Variants in MYH6 observed in about 807,000 individuals in gnomAD.
The protein encoded by MYH6 is myosin heavy chain 6.
MYH6 carries 126 observed loss-of-function variants against 223.2 expected under a neutral mutation model. The ratio of observed to expected loss-of-function variants is 0.56; its 90% CI spans 0.49 to 0.65. The LOEUF (loss-of-function observed/expected upper bound fraction) is 0.65, where lower values mean the gene tolerates loss of function less well. Among genes scored for constraint, MYH6 ranks in the 30% least tolerant of loss-of-function variants. The pLI is 0.00. For missense variants in MYH6, 2,040 were observed against 2,536.4 expected (o/e 0.80, Z 4.20); for synonymous variants, 978 against 1,010.2 (o/e 0.97, Z 0.61).
chr14:23,393,603 A>G (rs1803894916), intron 22 of MYH6, 63 bp downstream of exon 22: 3 of 1,614,120 alleles, frequency 1.9e-6, no homozygotes, highest in African/African-American at 1.3e-5. Context: ...AAGGACCAGG[A>G]CAACACTCTA....
chr14:23,408,070 T>G (rs1378203656), intron 1 of MYH6, among the ~76,000 whole-genome samples, 183 bp downstream of exon 1: 2 of 151,614 alleles, frequency 1.3e-5, no homozygotes, highest in Admixed American at 1.3e-4. Flanking sequence ...GAAAAGAGGT[T>G]TCTGGGTTTC....
rs397516769 is a variant in MYH6 at position 23,388,214 on chromosome 14, C to T, written c.4300G>A (p.Val1434Ile). Residue 1434 changes from valine (V) to isoleucine (I), a missense_variant, in exon 30 of 39, where the codon GTA (valine) becomes ATA (isoleucine). Around this residue, in one of 4 missense-constraint regions of MYH6, gnomAD observed 1,203 missense variants for 1,400.2 expected, o/e 0.86. Coordinates refer to ENST00000405093, the MANE Select transcript of MYH6 (RefSeq NM_002471.4). ...GCAGCAGCAGCATTGGAGCGCTCTA[C>T]GTCCACCATCAAGTCCTCTATCTCA... is the stretch of plus-strand genomic sequence containing the variant. ...QNEIEDLMVD[V>I]ERSNAAAAAL... 19 of 1,612,350 alleles carry T rather than the reference C, an allele frequency of 1.2e-5. 1 individual carries two copies. Among genetic ancestry groups the T allele is most frequent in the East Asian group, 8.9e-5 (4 of 44,886 alleles).
At position 23,407,120 on chromosome 14, in the gene MYH6, G is replaced by A; in HGVS notation, c.104C>T (p.Thr35Ile). 2 of 1,614,252 alleles carry A rather than the reference G, an allele frequency of 1.2e-6. No individual in the cohort carries two copies. The highest frequency in any genetic ancestry group is 1.7e-6 in the Non-Finnish European group (2 of 1,180,054). ...EAQTRPFDIRTECFVPDDKEE... is the reference protein window; with the variant it reads ...EAQTRPFDIRIECFVPDDKEE... ...CTTGTCATCGGGCACGAAGCACTCA[G>A]TGCGAATGTCAAAGGGCCGGGTCTG... Residue 35 changes from threonine (T) to isoleucine (I), a missense_variant, in exon 3 of 39, where the codon ACT becomes ATT. Physicochemically the swap from Thr to Ile is moderately conservative, Grantham distance 89 (BLOSUM62 -1). Coordinates refer to ENST00000405093, the MANE Select transcript of MYH6 (RefSeq NM_002471.4). The surrounding 1 kb of genome is among the most constrained non-coding windows in gnomAD (Gnocchi z 5.6).
intron 15 of MYH6, among the ~76,000 whole-genome samples, chr14:23,398,137 C>T (rs1891486040): frequency 6.6e-6 from 1 of 152,014 alleles, no homozygotes; most frequent in African/African-American, 2.4e-5. Context: ...CCTGCCTCAG[C>T]CTCCCAAGTG....
rs140660481 is a variant in MYH6 at position 23,403,415 on chromosome 14, C to A, written c.831G>T (p.Gln277His). The change falls in exon 10 of 39, where the codon CAG (glutamine) becomes CAT (histidine). Residue 277 changes from glutamine (Q) to histidine (H), a missense_variant. Gln to His is a conservative substitution (Grantham distance 24, BLOSUM62 0). Transcript: ENST00000405093. ...YLLEKSRVIF[Q>H]LKAERNYHIF... The stretch of plus-strand genomic sequence containing the variant: ...TGTGGTAGTTTCTCTCAGCTTTCAG[C>A]TGGAAGATCACCCGGGACTTCTCCA... 418 of 1,613,992 alleles carry A rather than the reference C, an allele frequency of 2.6e-4. No homozygotes were observed. The Middle Eastern group carries it at 4.3e-3, about 17-fold the overall frequency.
intron 15 of MYH6, among the ~76,000 whole-genome samples, chr14:23,397,968 TTCTTCTTCTTCTTC>T (rs1891473753): frequency 1.5e-5 from 2 of 130,654 alleles, no homozygotes; most frequent in African/African-American, 6.0e-5. Context: ...CTTCTTCTTC[TTCTTCTTCTTCTTC>T]TTCTTCTTCT....
At chr14:23,383,124 T>G (rs758084023) in intron 37 of MYH6, 101 bp downstream of exon 37, 2 of 1,085,032 alleles carry the variant, frequency 1.8e-6, no homozygotes, top group Non-Finnish European at 2.8e-6. Context: ...AGTTAAAGTT[T>G]ATAGCAAACT....
chr14:23,390,194 C>T lies in MYH6; in HGVS notation c.3595G>A (p.Ala1199Thr), dbSNP rs369942086. ...ATAAALRKKHADSVAELGEQI... is the reference protein window; with the variant it reads ...ATAAALRKKHTDSVAELGEQI... ...TCGCCCAGCTCGGCCACGCTGTCGG[C>T]GTGCTTCTTGCGCAGGGCCGCGGCA... Residue 1199 changes from alanine to threonine, a missense_variant, in exon 26 of 39, where the codon GCC (alanine) becomes ACC (threonine). Physicochemically the swap from Ala to Thr is moderately conservative, Grantham distance 58. This residue lies in a region of MYH6 where 1,203 missense variants were observed against 1,400.2 expected (regional missense o/e 0.86). Transcript: ENST00000405093. 5.0e-6 allele frequency: 8 copies of T among 1,605,832 alleles called. No homozygotes were observed. Among genetic ancestry groups the T allele is most frequent in the South Asian group, 4.4e-5 (4 of 90,838 alleles).
At chr14:23,392,395 C>T (rs1487154217) in intron 25 of MYH6, among the ~76,000 whole-genome samples, 167 bp downstream of exon 25, 1 of 152,086 alleles carries the variant, frequency 6.6e-6, no homozygotes, top group East Asian at 1.9e-4. Context: ...TATTCTTGCT[C>T]TATGGGGGAA....
chr14:23,391,600 A>G (rs775823491), intron 25 of MYH6, among the ~76,000 whole-genome samples: 5 of 152,220 alleles, frequency 3.3e-5, no homozygotes, highest in African/African-American at 7.2e-5. Context: ...CCTCAAGTGC[A>G]GAGGGGAGAC....
intron 10 of MYH6, 23 bp from the exon 11 acceptor site, chr14:23,402,823 C>A: frequency 4.5e-6 from 7 of 1,550,732 alleles, no homozygotes; most frequent in South Asian, 1.1e-5. Flanking sequence ...AGGGGTGAGG[C>A]AGGGGCAAGG....
Position 23,390,312 on chromosome 14 carries a change from C to T in MYH6, c.3477G>A (p.Thr1159=), listed in dbSNP as rs573242724. Residue 1159 remains threonine, a synonymous_variant, in exon 26 of 39, where the codon ACG becomes ACA. Coordinates refer to ENST00000405093, the MANE Select transcript of MYH6 (RefSeq NM_002471.4). ...TCTTGTTCATCTCGATCTGCACGGA[C>T]GTGGCCCCGCCGGCCTCTTCCAGCC... is the stretch of plus-strand genomic sequence containing the variant. The part of the protein sequence containing the change: ...SERLEEAGGA[T]SVQIEMNKKR... 53 of 1,606,588 alleles carry T rather than the reference C, an allele frequency of 3.3e-5. No individual in the cohort carries two copies. Among genetic ancestry groups the T allele is most frequent in the South Asian group, 1.8e-4 (16 of 90,766 alleles).
At position 23,393,025 on chromosome 14, in the gene MYH6, C is replaced by T. The variant is rs930800874; in HGVS notation, c.3138G>A (p.Val1046=). The T allele has an allele frequency of 1.2e-6, 2 of 1,614,106 alleles. No homozygotes were observed. Among genetic ancestry groups the T allele is most frequent in the Non-Finnish European group, 1.7e-6 (2 of 1,180,052 alleles). Residue 1046 remains valine, a synonymous_variant, in exon 24 of 39, where the codon GTG becomes GTA. Coordinates refer to ENST00000405093, the MANE Select transcript of MYH6 (RefSeq NM_002471.4). ...LEGSLEQEKK[V]RMDLERAKRK... ...GCTTTGCTCGCTCCAGGTCCATGCG[C>T]ACCTTCTTCTCTTGCTCTAGGGATC... is the stretch of plus-strand genomic sequence containing the variant.
intron 7 of MYH6, 112 bp from the exon 8 acceptor site, chr14:23,404,500 A>G: frequency 7.6e-7 from 1 of 1,307,626 alleles, no homozygotes; most frequent in Non-Finnish European, 1.1e-6. Flanking sequence ...GGCTGGGTGA[A>G]CCGCTAGTGG....
At chr14:23,403,912 G>T (rs1028433973) in intron 8 of MYH6, 134 bp from the exon 9 acceptor site, 16 of 830,570 alleles carry the variant, frequency 1.9e-5, no homozygotes, top group African/African-American at 1.7e-4. Context: ...TTGAGTATAA[G>T]TGAAGCCGGG....
chr14:23,402,972 G>C (rs1891655124), intron 10 of MYH6, among the ~76,000 whole-genome samples, 172 bp from the exon 11 acceptor site: 1 of 151,878 alleles, frequency 6.6e-6, no homozygotes, highest in Non-Finnish European at 1.5e-5. Flanking sequence ...ACCAAGGAGT[G>C]AACCCAGAGG....
intron 15 of MYH6, among the ~76,000 whole-genome samples, 177 bp from the exon 16 acceptor site, chr14:23,397,790 A>G (rs1463116017): frequency 6.6e-6 from 1 of 152,190 alleles, no homozygotes; most frequent in African/African-American, 2.4e-5. Context: ...AGAGGATTAG[A>G]TAAGACCACG....
chr14:23,384,885 TA>T, intron 35 of MYH6, 30 bp downstream of exon 35: 1 of 1,613,540 alleles, frequency 6.2e-7, no homozygotes, highest in South Asian at 1.1e-5. Flanking sequence ...TTTCTGTCTT[TA>T]GGGGAGGCGG....
chr14:23,397,964 C>T (rs574267008), intron 15 of MYH6, among the ~76,000 whole-genome samples: 26 of 124,738 alleles, frequency 2.1e-4, no homozygotes, highest in South Asian at 1.2e-3. Flanking sequence ...TCTTCTTCTT[C>T]TTCTTCTTCT....
Sources: gnomAD v4.1 joint callset for allele counts (sites outside exome capture counted in the v4.1 genomes callset) on GRCh38, gnomAD v4.1.1 for gene constraint, gnomAD v4.1.1 regional missense constraint, Gnocchi (gnomAD v3.1) non-coding constraint, MANE v1.5 for transcripts, NCBI Gene and HGNC (gene_info 2026-07-23, HGNC 2026-07-21) for gene names.